EYS: variants seen among roughly 807,000 people sequenced by gnomAD.
EYS encodes EGF-like photoreceptor maintenance factor.
In EYS, 250 loss-of-function variants were observed where a neutral mutation model predicts 282.1. The observed-to-expected ratio is 0.89, with a 90% CI of 0.80 to 0.98. The LOEUF (loss-of-function observed/expected upper bound fraction) is 0.98, where lower values mean the gene tolerates loss of function less well. Ranked by LOEUF, EYS falls within the 50% of genes least tolerant of loss-of-function variation. EYS has a pLI of 0.00. For synonymous variants in EYS, 1,355 were observed against 1,282.9 expected, an observed-to-expected ratio of 1.06 and a Z score of -1.20; for missense variants, 4,016 against 3,709.0, an observed-to-expected ratio of 1.08 and a Z score of -2.15.
intron 26 of EYS, among the ~76,000 whole-genome samples, chr6:64,495,325 A>C (rs1186396308): frequency 6.6e-6 from 1 of 151,772 alleles, no homozygotes. Context: ...CTTTTTAGTC[A>C]CATATCCTAA....
intron 33 of EYS, among the ~76,000 whole-genome samples, chr6:64,016,497 T>C (rs1321330409): frequency 6.6e-6 from 1 of 151,630 alleles, no homozygotes; most frequent in Admixed American, 6.6e-5. Flanking sequence ...TGATTTTTTT[T>C]TTTTTTTTTT....
chr6:64,805,470 A>T (rs77431922), intron 22 of EYS, among the ~76,000 whole-genome samples: 4,606 of 152,022 alleles, frequency 0.03, 229 homozygotes, highest in African/African-American at 0.11. Context: ...TACCTTTCAA[A>T]AATAATTTGA....
chr6:65,406,687 CTTT>C (rs200756050), intron 5 of EYS, among the ~76,000 whole-genome samples: 3 of 151,894 alleles, frequency 2.0e-5, no homozygotes, highest in East Asian at 3.9e-4. Flanking sequence ...TCCCTCATTT[CTTT>C]GTTTGTTTGT....
chr6:64,972,020 A>C (rs1277950871), intron 14 of EYS, among the ~76,000 whole-genome samples: 2 of 152,164 alleles, frequency 1.3e-5, no homozygotes, highest in Non-Finnish European at 2.9e-5. Context: ...GAATAAAGAA[A>C]AAACATGGTC....
chr6:63,970,069 A>G (rs959233429), intron 35 of EYS, among the ~76,000 whole-genome samples: 9 of 152,122 alleles, frequency 5.9e-5, no homozygotes, highest in African/African-American at 2.2e-4. Context: ...GGTTGGAGAG[A>G]AAAAGCAGGT....
chr6:65,642,111 G>T (rs1300275648), intron 1 of EYS, among the ~76,000 whole-genome samples: 1 of 152,048 alleles, frequency 6.6e-6, no homozygotes, highest in African/African-American at 2.4e-5. Context: ...GTATCTGAGA[G>T]GTACTCAATA....
chr6:63,770,378 A>G (rs1562018190), intron 40 of EYS, among the ~76,000 whole-genome samples: 1 of 152,074 alleles, frequency 6.6e-6, no homozygotes, highest in Non-Finnish European at 1.5e-5. Flanking sequence ...TATTGGAGAA[A>G]ATTTACCTTG....
chr6:64,154,859 T>C (rs1774864861), intron 31 of EYS, among the ~76,000 whole-genome samples: 1 of 152,324 alleles, frequency 6.6e-6, no homozygotes, highest in Admixed American at 6.5e-5. Flanking sequence ...ATTAAAATAA[T>C]ACTCTACCCA....
chr6:64,085,315 C>T (rs910217566), intron 31 of EYS, among the ~76,000 whole-genome samples: 8 of 137,818 alleles, frequency 5.8e-5, no homozygotes, highest in Non-Finnish European at 1.1e-4. Flanking sequence ...TCCTTCCAGA[C>T]GCGCGCGCGT....
intron 5 of EYS, among the ~76,000 whole-genome samples, chr6:65,488,027 T>C (rs2127263414): frequency 6.6e-6 from 1 of 152,314 alleles, no homozygotes; most frequent in Non-Finnish European, 1.5e-5. Context: ...GATATCCCCT[T>C]TATCATTTTT....
At chr6:64,989,802 AC>A (rs1771001527) in intron 14 of EYS, among the ~76,000 whole-genome samples, 2 of 2,840 alleles carry the variant, frequency 7.0e-4, no homozygotes, top group Non-Finnish European at 2.1e-3. Context: ...ATATTCATAC[AC>A]ACACACACAC....
At chr6:64,459,223 T>C (rs1175882191) in intron 26 of EYS, among the ~76,000 whole-genome samples, 1 of 152,214 alleles carries the variant, frequency 6.6e-6, no homozygotes, top group Non-Finnish European at 1.5e-5. Context: ...TTTTCCTTCT[T>C]CTGTTGTTGA....
chr6:64,448,230 G>T (rs1775186830), intron 26 of EYS, among the ~76,000 whole-genome samples: 1 of 152,222 alleles, frequency 6.6e-6, no homozygotes, highest in East Asian at 1.9e-4. Context: ...GGCTCTGAAG[G>T]TCCTATGCCC....
In EYS at chr6:64,626,248, A is replaced by C. The variant is rs999736707; in HGVS notation, c.3444-3T>G. 5 of 1,521,022 alleles carry C rather than the reference A, an allele frequency of 3.3e-6. No individual in the cohort carries two copies. The African/African-American group carries it at 7.0e-5, about 21-fold the overall frequency. The allele number at this position is 1,521,022 out of a possible 1,614,324, so 94.2% of individuals were successfully genotyped here. ...GACCAGAAAATCCAGGAAGACATCT[A>C]AGGAAAAAAAATGAAAACGATATTT... On this transcript the variant is annotated splice_region_variant and splice_polypyrimidine_tract_variant and intron_variant, in intron 22 of 42. Coordinates refer to ENST00000503581, the MANE Select transcript of EYS (RefSeq NM_001142800.2).
chr6:64,760,082 C>G (rs955834053), intron 22 of EYS, among the ~76,000 whole-genome samples: 1 of 152,156 alleles, frequency 6.6e-6, no homozygotes, highest in Admixed American at 6.5e-5. Flanking sequence ...ATATTTTACA[C>G]TTGTTGGAAT....
chr6:65,427,634 C>T (rs1441161063), intron 5 of EYS, among the ~76,000 whole-genome samples: 1 of 151,920 alleles, frequency 6.6e-6, no homozygotes. Flanking sequence ...AAAATATGCT[C>T]TCATCAATTG....
chr6:65,504,291 T>G (rs1766570120), intron 2 of EYS, among the ~76,000 whole-genome samples: 2 of 151,716 alleles, frequency 1.3e-5, no homozygotes, highest in African/African-American at 4.8e-5. Context: ...TATACAGTAT[T>G]AAATTTTATC....
At chr6:65,124,673 G>A (rs1489050371) in intron 12 of EYS, among the ~76,000 whole-genome samples, 1 of 152,040 alleles carries the variant, frequency 6.6e-6, no homozygotes, top group African/African-American at 2.4e-5. Flanking sequence ...CTTCATTTAG[G>A]AACATGCTTG....
chr6:64,573,357 C>G (rs935084801), intron 26 of EYS, among the ~76,000 whole-genome samples: 2 of 152,132 alleles, frequency 1.3e-5, no homozygotes, highest in Admixed American at 1.3e-4. Context: ...CCATTCAGCA[C>G]ATAGGTATGG....
Sources: gnomAD v4.1 joint callset for allele counts (sites outside exome capture counted in the v4.1 genomes callset) on GRCh38, gnomAD v4.1.1 for gene constraint, MANE v1.5 for transcripts, NCBI Gene and HGNC (gene_info 2026-07-23, HGNC 2026-07-21) for gene names.